The following NEBL variants were observed in gnomAD, a reference collection of about 807,000 sequenced individuals.
NEBL encodes LIM and SH3 protein 2.
NEBL carries 122 observed loss-of-function variants against 140.2 expected under a neutral mutation model. The observed-to-expected ratio is 0.87, with a 90% CI of 0.75 to 1.01. The LOEUF (loss-of-function observed/expected upper bound fraction) is 1.01. Ranked by LOEUF, NEBL falls within the 50% of genes least tolerant of loss-of-function variation. NEBL has a pLI of 0.00. For synonymous variants in NEBL, 436 were observed against 398.9 expected (o/e 1.09, Z -1.11); for missense variants, 1,365 against 1,231.3 (o/e 1.11, Z -1.62).
rs1491351100 is a variant in NEBL at position 21,121,115 on chromosome 10, C to CT, written c.164+51267dup. 4.6e-5 allele frequency among the ~76,000 whole-genome samples: 7 copies of CT among 152,206 alleles called. 1 individual carries two copies. Among genetic ancestry groups the CT allele is most frequent in the African/African-American group, 1.2e-4 (5 of 41,546 alleles). On this transcript the variant is annotated intron_variant, in intron 2 of 6. Transcript: ENST00000417816. ...TTCTAAAGTATGTTTGGCCCTGAAACTTTTTTTAACAGTATCTACCAAATG... is the reference window on the plus strand; with the variant it reads ...TTCTAAAGTATGTTTGGCCCTGAAACTTTTTTTTAACAGTATCTACCAAATG...
intron 3 of NEBL, among the ~76,000 whole-genome samples, chr10:20,982,753 T>G (rs763466928): frequency 6.6e-6 from 1 of 152,148 alleles, no homozygotes; most frequent in Non-Finnish European, 1.5e-5. Flanking sequence ...CTATCTTTTG[T>G]TTTTTTCCAG....
At chr10:20,820,495 C>T (rs909406325) in intron 19 of NEBL, among the ~76,000 whole-genome samples, 2 of 152,140 alleles carry the variant, frequency 1.3e-5, no homozygotes, top group Non-Finnish European at 2.9e-5. Flanking sequence ...TTTTCTTTTA[C>T]AAGAAATCCC....
At chr10:20,971,411 A>G (rs1419770915) in intron 3 of NEBL, among the ~76,000 whole-genome samples, 2 of 151,886 alleles carry the variant, frequency 1.3e-5, no homozygotes, top group Non-Finnish European at 2.9e-5. Context: ...TTAAATATAA[A>G]TAGCTTAATT....
In NEBL at chr10:20,911,480, C is replaced by A. The variant is rs374483805; in HGVS notation, c.357+50192G>T. 1.3e-4 allele frequency among the ~76,000 whole-genome samples: 20 copies of A among 152,266 alleles called. No homozygotes were observed. The South Asian group carries it at 4.2e-3, about 32-fold the overall frequency. ...ACATTTCAGAAACTAACCAGGTATGCCTGAATGGCCAATAAAGTATAGGAC... is the reference window on the plus strand; with the variant it reads ...ACATTTCAGAAACTAACCAGGTATGACTGAATGGCCAATAAAGTATAGGAC... On this transcript the variant is annotated intron_variant, in intron 4 of 6. Transcript: ENST00000417816.
intron 26 of NEBL, chr10:20,793,385 G>A: frequency 2.1e-6 from 2 of 974,256 alleles, no homozygotes; most frequent in Non-Finnish European, 1.2e-6. Flanking sequence ...CCCTGGAAAG[G>A]AAGGACAGGA....
intron 2 of NEBL, among the ~76,000 whole-genome samples, chr10:21,046,987 T>C (rs1018313072): frequency 5.9e-5 from 9 of 152,168 alleles, no homozygotes; most frequent in Non-Finnish European, 4.4e-5. Flanking sequence ...AAAAAACAAG[T>C]ATATATATGA....
intron 2 of NEBL, among the ~76,000 whole-genome samples, chr10:21,116,511 T>G (rs568037746): frequency 1.2e-4 from 19 of 152,244 alleles, no homozygotes; most frequent in Non-Finnish European, 2.4e-4. Flanking sequence ...GACTTCAACA[T>G]ACGGATTTGG....
chr10:21,190,506 C>T (rs1841554657), intron 3 of NEBL, among the ~76,000 whole-genome samples: 1 of 152,038 alleles, frequency 6.6e-6, no homozygotes, highest in Non-Finnish European at 1.5e-5. Context: ...AACCAAAAAA[C>T]CATCCTGGAT....
intron 4 of NEBL, among the ~76,000 whole-genome samples, chr10:20,929,164 T>C (rs889027510): frequency 7.2e-5 from 11 of 152,102 alleles, no homozygotes; most frequent in African/African-American, 2.7e-4. Context: ...TCTGCACTAG[T>C]ATGCTTATCA....
intron 2 of NEBL, among the ~76,000 whole-genome samples, chr10:21,164,452 A>C (rs1362051447): frequency 2.6e-5 from 4 of 152,226 alleles, no homozygotes; most frequent in Non-Finnish European, 5.9e-5. Context: ...CAGGCCCTTG[A>C]CACATAATCA....
intron 3 of NEBL, among the ~76,000 whole-genome samples, chr10:21,004,825 A>C (rs1838061187): frequency 6.6e-6 from 1 of 152,228 alleles, no homozygotes; most frequent in Non-Finnish European, 1.5e-5. Context: ...CATATTCGCT[A>C]GGTAACTGTG....
At chr10:21,280,718 G>T (rs187233481) in intron 1 of NEBL, among the ~76,000 whole-genome samples, 1 of 140,808 alleles carries the variant, frequency 7.1e-6, no homozygotes, top group South Asian at 2.4e-4. Context: ...AGGTTCAAGC[G>T]ATTCTCCTGC....
chr10:21,150,855 T>C (rs1426549218), intron 2 of NEBL, among the ~76,000 whole-genome samples: 1 of 152,192 alleles, frequency 6.6e-6, no homozygotes, highest in African/African-American at 2.4e-5. Flanking sequence ...AAGTGGAATT[T>C]CACCAACTTC....
At chr10:21,111,639 A>G (rs1425100683) in intron 2 of NEBL, among the ~76,000 whole-genome samples, 4 of 150,998 alleles carry the variant, frequency 2.6e-5, no homozygotes, top group African/African-American at 9.9e-5. Flanking sequence ...TAAAAATCCT[A>G]GAAGAAAACC....
chr10:20,868,739 T>G lies in NEBL; in HGVS notation c.609A>C (p.Ile203=). 1 of 1,611,306 alleles carries G rather than the reference T, an allele frequency of 6.2e-7. No homozygotes were observed. Among genetic ancestry groups the G allele is most frequent in the Non-Finnish European group, 8.5e-7 (1 of 1,177,586 alleles). Reference sequence around the variant, plus strand: ...CAATTACAGCGGGCTCTTTATTCATTATTCCTTGTCCTTTCTTGTATTCTG... The same window carrying G: ...CAATTACAGCGGGCTCTTTATTCATGATTCCTTGTCCTTTCTTGTATTCTG... ...SNAEYKKGQG[I]MNKEPAVIGR... is the part of the protein sequence containing the mutation. The change falls in exon 7 of 28, where the codon ATA becomes ATC. Residue 203 remains isoleucine, a synonymous_variant. Transcript: ENST00000377122.
chr10:21,211,156 A>G lies in NEBL; in HGVS notation n.348+36765T>C, dbSNP rs1841909111. On this transcript the variant is annotated intron_variant and non_coding_transcript_variant, in intron 3 of 8. Transcript: ENST00000675702. ...CCTTATCAATGCTATGTAGGAAAGG[A>G]AAGGAAAATCCTGGCATGAAAACAA... 2.6e-5 allele frequency among the ~76,000 whole-genome samples: 4 copies of G among 152,176 alleles called. No homozygotes were observed. The South Asian group carries it at 8.3e-4, about 32-fold the overall frequency.
chr10:21,171,689 G>A (rs889634320), intron 2 of NEBL: 2 of 154,336 alleles, frequency 1.3e-5, no homozygotes, highest in African/African-American at 2.4e-5. Context: ...GACACACGGT[G>A]AGCGCGATAT....
intron 26 of NEBL, among the ~76,000 whole-genome samples, chr10:20,789,165 T>C (rs1216493839): frequency 6.6e-6 from 1 of 152,214 alleles, no homozygotes; most frequent in Non-Finnish European, 1.5e-5. Flanking sequence ...TGATTCAGCC[T>C]GCATACTCCA....
chr10:21,288,728 C>G lies in NEBL; in HGVS notation n.182+4102G>C, dbSNP rs1243646104. ...TGAGCCGAACTCATTCCACTGCACT[C>G]TAGCCTGGGCGACAGAGCGAGACTC... On this transcript the variant is annotated intron_variant and non_coding_transcript_variant, in intron 1 of 8. Transcript: ENST00000675702. Among the ~76,000 whole-genome samples the G allele has an allele frequency of 1.1e-3, 149 of 132,314 alleles. 6 individuals are homozygous for G. In the Admixed American group the frequency reaches 0.012, roughly 11 times the overall value. 86.8% of individuals were successfully genotyped at this position (132,314 alleles called of 152,430 possible).
Sources: gnomAD v4.1 joint callset for allele counts (sites outside exome capture counted in the v4.1 genomes callset) on GRCh38, gnomAD v4.1.1 for gene constraint, MANE v1.5 for transcripts, NCBI Gene and HGNC (gene_info 2026-07-23, HGNC 2026-07-21) for gene names.